Variants in ASH1L observed in about 807,000 individuals in gnomAD.
ASH1L encodes ASH1 like histone lysine methyltransferase, also known as histone-lysine N-methyltransferase ASH1L.
A neutral mutation model predicts 269.0 loss-of-function variants in ASH1L; 23 were observed. That is an observed-to-expected ratio of 0.09 (90% CI 0.06 to 0.12). ASH1L has a LOEUF of 0.12. Among genes scored for constraint, ASH1L ranks in the 10% least tolerant of loss-of-function variants. The probability of loss-of-function intolerance (pLI) is 1.00; values close to 1 mark genes in which losing one functional copy is unlikely to be tolerated. For synonymous variants in ASH1L, 1,187 were observed against 1,253.5 expected (o/e 0.95, Z 1.12); for missense variants, 2,912 against 3,567.8 (o/e 0.82, Z 4.68).
intron 12 of ASH1L, among the ~76,000 whole-genome samples, chr1:155,366,933 C>T (rs947234770): frequency 2.7e-5 from 4 of 149,060 alleles, no homozygotes; most frequent in African/African-American, 7.5e-5. Flanking sequence ...ATCTTGGCCT[C>T]TGAAAGTGCT....
At chr1:155,547,088 G>A (rs988438616) in intron 1 of ASH1L, among the ~76,000 whole-genome samples, 24 of 150,722 alleles carry the variant, frequency 1.6e-4, no homozygotes, top group African/African-American at 5.9e-4. Flanking sequence ...GAGTAACTGG[G>A]ACTACAGGCA....
At chr1:155,412,891 T>C (rs1260982312) in intron 6 of ASH1L, among the ~76,000 whole-genome samples, 1 of 147,598 alleles carries the variant, frequency 6.8e-6, no homozygotes, top group East Asian at 1.9e-4. Context: ...GTCTTCTGTG[T>C]GTTTTTTTTT....
At chr1:155,561,026 C>T (rs1227562010) in intron 1 of ASH1L, among the ~76,000 whole-genome samples, 1 of 151,062 alleles carries the variant, frequency 6.6e-6, no homozygotes, top group Non-Finnish European at 1.5e-5. Flanking sequence ...GCTGAATATA[C>T]TGCTGCAGTA....
Position 155,481,156 on chromosome 1 carries a change from G to C in ASH1L, c.1714C>G (p.Pro572Ala), listed in dbSNP as rs757438960. Reference sequence around the variant, plus strand: ...GGAGCCAACTGTGAAGAAGTTTCAGGGGGACTTCTGGTTAAAGGATTAACA... The same window carrying C: ...GGAGCCAACTGTGAAGAAGTTTCAGCGGGACTTCTGGTTAAAGGATTAACA... ...VSVNPLTRSP[P>A]ETSSQLAPNP... Residue 572 changes from proline to alanine, a missense_variant, in exon 3 of 28, where the codon CCT becomes GCT. This residue lies in a region of ASH1L where 715 missense variants were observed against 721.0 expected (regional missense o/e 0.99). Transcript: ENST00000392403. 2.5e-6 allele frequency: 4 copies of C among 1,614,034 alleles called. No homozygotes were observed. Among genetic ancestry groups the C allele is most frequent in the Non-Finnish European group, 3.4e-6 (4 of 1,179,974 alleles).
At chr1:155,412,259 T>A (rs1359827499) in intron 6 of ASH1L, among the ~76,000 whole-genome samples, 1 of 145,074 alleles carries the variant, frequency 6.9e-6, no homozygotes, top group African/African-American at 2.5e-5. Flanking sequence ...AAAAAAAAAA[T>A]TTAGCTGGGT....
intron 7 of ASH1L, among the ~76,000 whole-genome samples, chr1:155,387,777 A>G (rs996486010): frequency 2.0e-5 from 3 of 152,178 alleles, no homozygotes; most frequent in African/African-American, 4.8e-5. Context: ...TAAGCATGGA[A>G]TATTTTTCCA....
At chr1:155,461,958 C>T (rs962414100) in intron 3 of ASH1L, among the ~76,000 whole-genome samples, 2 of 151,924 alleles carry the variant, frequency 1.3e-5, no homozygotes, top group Non-Finnish European at 2.9e-5. Context: ...GCCACCATGC[C>T]CAGCTAATTT....
At chr1:155,410,276 G>A (rs1007214449) in intron 6 of ASH1L, among the ~76,000 whole-genome samples, 10 of 151,968 alleles carry the variant, frequency 6.6e-5, no homozygotes, top group East Asian at 1.9e-4. Context: ...ACAGCTGTGC[G>A]CCACCACACC....
At chr1:155,357,118 C>CAA (rs56323084) in intron 15 of ASH1L, among the ~76,000 whole-genome samples, 198 bp downstream of exon 15, 8 of 65,338 alleles carry the variant, frequency 1.2e-4, no homozygotes, top group East Asian at 4.5e-4. Context: ...CACACACACA[C>CAA]AAAAGGGTAA....
chr1:155,489,699 G>A (rs376581693), intron 2 of ASH1L, among the ~76,000 whole-genome samples: 4 of 150,978 alleles, frequency 2.6e-5, no homozygotes, highest in Admixed American at 2.0e-4. Context: ...CGGAGCTTGC[G>A]GTGAGCTGAC....
intron 6 of ASH1L, among the ~76,000 whole-genome samples, chr1:155,401,666 T>C (rs866852812): frequency 1.3e-5 from 2 of 152,124 alleles, no homozygotes; most frequent in South Asian, 2.1e-4. Context: ...TGGGCACCTG[T>C]AATCTCACCT....
chr1:155,418,383 C>T (rs1209723220), intron 5 of ASH1L, among the ~76,000 whole-genome samples: 1 of 151,952 alleles, frequency 6.6e-6, no homozygotes, highest in Non-Finnish European at 1.5e-5. Flanking sequence ...CTGGAGAGTA[C>T]TTAACAGCAA....
intron 5 of ASH1L, among the ~76,000 whole-genome samples, chr1:155,429,849 G>C (rs1399389525): frequency 1.3e-5 from 2 of 152,140 alleles, no homozygotes; most frequent in Non-Finnish European, 2.9e-5. Flanking sequence ...ACCCAGGATG[G>C]AATGTGGTGG....
chr1:155,380,633 A>G (rs891557694), intron 7 of ASH1L, among the ~76,000 whole-genome samples: 1 of 151,236 alleles, frequency 6.6e-6, no homozygotes, highest in Non-Finnish European at 1.5e-5. Flanking sequence ...AAAGAATGAA[A>G]TTCTTTTTTT....
intron 1 of ASH1L, among the ~76,000 whole-genome samples, chr1:155,553,832 T>C (rs1396228678): frequency 1.3e-5 from 2 of 151,814 alleles, no homozygotes; most frequent in Non-Finnish European, 2.9e-5. Context: ...GAAATCTCAC[T>C]GTCACCCAGG....
chr1:155,520,154 C>A (rs983669487), intron 2 of ASH1L: 4 of 151,490 alleles, frequency 2.6e-5, no homozygotes, highest in African/African-American at 9.7e-5. Context: ...GAGTTCGAGA[C>A]CAGCCTGGCC....
chr1:155,525,370 C>T (rs929022272), intron 1 of ASH1L, among the ~76,000 whole-genome samples: 11 of 152,054 alleles, frequency 7.2e-5, no homozygotes, highest in African/African-American at 2.7e-4. Context: ...TTTTCAAAAC[C>T]TAGTGATAAA....
intron 6 of ASH1L, among the ~76,000 whole-genome samples, chr1:155,401,719 T>C (rs756518912): frequency 2.2e-4 from 33 of 151,068 alleles, no homozygotes; most frequent in Non-Finnish European, 4.6e-4. Context: ...ACCCCGGAGG[T>C]GGAGGTTACA....
intron 25 of ASH1L, among the ~76,000 whole-genome samples, chr1:155,341,377 C>A (rs969538020): frequency 6.6e-6 from 1 of 152,090 alleles, no homozygotes; most frequent in African/African-American, 2.4e-5. Context: ...GGGGTTTCAC[C>A]GTGTTAGCCA....
Sources: gnomAD v4.1 joint callset for allele counts (sites outside exome capture counted in the v4.1 genomes callset) on GRCh38, gnomAD v4.1.1 for gene constraint, gnomAD v4.1.1 regional missense constraint, MANE v1.5 for transcripts, NCBI Gene and HGNC (gene_info 2026-07-23, HGNC 2026-07-21) for gene names.